Variants in NECTIN3 observed in about 807,000 individuals in gnomAD.
NECTIN3 encodes nectin cell adhesion molecule 3.
NECTIN3 carries 8 observed loss-of-function variants against 49.4 expected under a neutral mutation model. The observed-to-expected ratio is 0.16, with a 90% CI of 0.10 to 0.29. The LOEUF is 0.29. NECTIN3 is among the 10% of genes least tolerant of loss of function. NECTIN3 has a pLI of 1.00. For synonymous variants in NECTIN3, 277 were observed against 241.1 expected (o/e 1.15, Z -1.38); for missense variants, 581 against 654.6 (o/e 0.89, Z 1.23).
chr3:111,072,594 G>T, intron 1 of NECTIN3: 1 of 1,532,560 alleles, frequency 6.5e-7, no homozygotes, highest in Non-Finnish European at 8.7e-7. Flanking sequence ...CTAGGGACCG[G>T]AGCCCGATGG....
At chr3:111,111,899 A>ATGTGTGTGTG (rs10581136) in intron 1 of NECTIN3, 131 bp from the exon 2 acceptor site, 1 of 579,970 alleles carries the variant, frequency 1.7e-6, no homozygotes, top group East Asian at 2.8e-5. Context: ...GTGTGTGTGC[A>ATGTGTGTGTG]TGTGTGTGTG....
downstream of NECTIN3, among the ~76,000 whole-genome samples, chr3:111,140,709 A>G (rs2034720714): frequency 6.6e-6 from 1 of 151,818 alleles, no homozygotes; most frequent in African/African-American, 2.4e-5. Flanking sequence ...CTGAGCTCTC[A>G]TAAATCGTGT....
At chr3:111,102,647 A>C (rs1306819471) in intron 1 of NECTIN3, among the ~76,000 whole-genome samples, 1 of 152,218 alleles carries the variant, frequency 6.6e-6, no homozygotes, top group Non-Finnish European at 1.5e-5. Context: ...TTTTTAATTT[A>C]AATGAAGCCT....
chr3:111,093,905 T>C (rs767791236), intron 1 of NECTIN3, among the ~76,000 whole-genome samples: 1 of 152,218 alleles, frequency 6.6e-6, no homozygotes, highest in Non-Finnish European at 1.5e-5. Flanking sequence ...ATTAGTCTGC[T>C]TTTAGTGTGT....
chr3:111,128,929 A>T (rs2034276026), intron 5 of NECTIN3, among the ~76,000 whole-genome samples: 1 of 151,998 alleles, frequency 6.6e-6, no homozygotes, highest in African/African-American at 2.4e-5. Context: ...TCTCCTCAAA[A>T]CCTTCCATGG....
intron 1 of NECTIN3, among the ~76,000 whole-genome samples, chr3:111,093,166 T>A (rs1255198012): frequency 6.6e-6 from 1 of 152,230 alleles, no homozygotes; most frequent in Admixed American, 6.5e-5. Flanking sequence ...TGAACTGTTT[T>A]ATTAGTTCTA....
intron 7 of NECTIN3, among the ~76,000 whole-genome samples, chr3:111,178,762 G>A (rs2035577275): frequency 6.6e-6 from 1 of 152,208 alleles, no homozygotes; most frequent in South Asian, 2.1e-4. Context: ...AGCAGTTTAA[G>A]AGACTGGATA....
At position 111,071,987 on chromosome 3, in the gene NECTIN3, G is replaced by T; in HGVS notation, c.-31G>T. The T allele has an allele frequency of 7.1e-7, 1 of 1,410,672 alleles. No homozygotes were observed. Among genetic ancestry groups the T allele is most frequent in the Non-Finnish European group, 9.3e-7 (1 of 1,078,950 alleles). 87.4% of individuals were successfully genotyped at this position (1,410,672 alleles called of 1,614,324 possible). A position where few individuals can be genotyped will look rare whatever the true frequency, so the allele number is the denominator to read the frequency against. On this transcript the variant is annotated 5_prime_UTR_variant, in exon 1 of 6. Coordinates refer to ENST00000485303, the MANE Select transcript of NECTIN3 (RefSeq NM_015480.3). Reference sequence around the variant, plus strand: ...CGGGGCCGGGGGAGCCGGGGGGCGGGCGGGCGAGCGGGCCGGGGGGAGGGT... The same window carrying T: ...CGGGGCCGGGGGAGCCGGGGGGCGGTCGGGCGAGCGGGCCGGGGGGAGGGT...
intron 5 of NECTIN3, among the ~76,000 whole-genome samples, chr3:111,132,849 G>T (rs990974927): frequency 2.0e-5 from 3 of 151,862 alleles, no homozygotes; most frequent in African/African-American, 7.2e-5. Flanking sequence ...TGCCCATAGG[G>T]TGTTAGACAT....
intron 1 of NECTIN3, among the ~76,000 whole-genome samples, chr3:111,087,647 T>A (rs2032012216): frequency 1.3e-5 from 2 of 151,922 alleles, no homozygotes; most frequent in South Asian, 4.2e-4. Context: ...AGCGAGACTC[T>A]GTCTCAAAAA....
At chr3:111,126,106 T>C in intron 4 of NECTIN3, 78 bp from the exon 5 acceptor site, 2 of 1,015,944 alleles carry the variant, frequency 2.0e-6, no homozygotes, top group Non-Finnish European at 2.7e-6. Flanking sequence ...CTCAAACATA[T>C]AATGCCTCAT....
chr3:111,161,197 A>G (rs1419977697), intron 7 of NECTIN3, among the ~76,000 whole-genome samples: 1 of 152,206 alleles, frequency 6.6e-6, no homozygotes, highest in Non-Finnish European at 1.5e-5. Flanking sequence ...GGCATATTAT[A>G]CTAATGAGGT....
At chr3:111,110,817 A>G (rs2033426203) in intron 1 of NECTIN3, among the ~76,000 whole-genome samples, 2 of 152,072 alleles carry the variant, frequency 1.3e-5, no homozygotes, top group South Asian at 4.1e-4. Context: ...ATCCTCAGTC[A>G]TCTCTTAGGT....
intron 4 of NECTIN3, 113 bp from the exon 5 acceptor site, chr3:111,126,070 AG>A (rs1339702150): frequency 1.4e-6 from 1 of 719,618 alleles, no homozygotes; most frequent in Non-Finnish European, 2.0e-6. Context: ...ATTTTGTCTG[AG>A]ATGCTTTTTT....
At chr3:111,184,036 C>T (rs2035675391) in intron 7 of NECTIN3, among the ~76,000 whole-genome samples, 1 of 152,012 alleles carries the variant, frequency 6.6e-6, no homozygotes, top group African/African-American at 2.4e-5. Context: ...TCAATTTTTT[C>T]AGCCTTTTTT....
At chr3:111,103,269 A>G (rs1483020208) in intron 1 of NECTIN3, among the ~76,000 whole-genome samples, 1 of 152,132 alleles carries the variant, frequency 6.6e-6, no homozygotes, top group African/African-American at 2.4e-5. Context: ...CAAGAACATG[A>G]AATATCTCCC....
At chr3:111,072,274 G>A in intron 1 of NECTIN3, 97 bp downstream of exon 1, 2 of 1,458,804 alleles carry the variant, frequency 1.4e-6, no homozygotes, top group South Asian at 1.4e-5. Flanking sequence ...GGAGCAGCGA[G>A]GCGGTTGGTT....
At chr3:111,076,843 C>T (rs2031232795) in intron 1 of NECTIN3, among the ~76,000 whole-genome samples, 1 of 151,794 alleles carries the variant, frequency 6.6e-6, no homozygotes, top group African/African-American at 2.4e-5. Flanking sequence ...GGCATGGTGG[C>T]AGGAGCCTGT....
intron 1 of NECTIN3, among the ~76,000 whole-genome samples, chr3:111,082,853 C>G (rs1329994816): frequency 6.6e-6 from 1 of 152,064 alleles, no homozygotes; most frequent in Non-Finnish European, 1.5e-5. Context: ...CTAGACAGTC[C>G]CGTCTGGGGG....
Sources: allele counts gnomAD v4.1 joint callset (sites outside exome capture counted in the v4.1 genomes callset), GRCh38; gene constraint gnomAD v4.1.1; transcripts MANE v1.5; gene names NCBI Gene and HGNC (gene_info 2026-07-23, HGNC 2026-07-21).